The following ZBTB7C variants were observed in gnomAD, a reference collection of about 807,000 sequenced individuals.
The protein encoded by ZBTB7C is zinc finger and BTB domain-containing protein 7C.
In ZBTB7C, 8 loss-of-function variants were observed where a neutral mutation model predicts 25.7. The observed-to-expected ratio is 0.31, with a 90% CI of 0.18 to 0.56. The LOEUF (loss-of-function observed/expected upper bound fraction) is 0.56. Ranked by LOEUF, ZBTB7C falls within the 20% of genes least tolerant of loss-of-function variation. The pLI is 0.91. For missense variants in ZBTB7C, 824 were observed against 855.2 expected (o/e 0.96, Z 0.46); for synonymous variants, 394 against 369.0 (o/e 1.07, Z -0.78).
chr18:48,348,813 T>C (rs1182866315), intron 1 of ZBTB7C, among the ~76,000 whole-genome samples: 1 of 152,204 alleles, frequency 6.6e-6, no homozygotes, highest in East Asian at 1.9e-4. Flanking sequence ...CTAGACTTTG[T>C]ATCAAAAACA....
intron 2 of ZBTB7C, among the ~76,000 whole-genome samples, chr18:48,224,227 C>T (rs1227995439): frequency 1.3e-5 from 2 of 152,192 alleles, no homozygotes; most frequent in Non-Finnish European, 2.9e-5. Flanking sequence ...ATACCAATAA[C>T]CTATGCATCC....
chr18:48,233,939 A>G lies in ZBTB7C; in HGVS notation c.-78-47944T>C, dbSNP rs78351468. ...CCTCTCCTTTGAGGGTGGTTGGGTC[A>G]GTTCCATCCACATCAGTCAGTCATT... is the stretch of plus-strand genomic sequence containing the variant. On this transcript the variant is annotated intron_variant, in intron 2 of 4. Coordinates refer to ENST00000590800, the MANE Select transcript of ZBTB7C (RefSeq NM_001318841.2). 2.5e-3 allele frequency among the ~76,000 whole-genome samples: 386 copies of G among 152,278 alleles called. 5 individuals carry two copies. Among genetic ancestry groups the G allele is most frequent in the East Asian group, 0.022 (113 of 5,186 alleles).
intron 2 of ZBTB7C, among the ~76,000 whole-genome samples, chr18:48,273,661 C>T (rs946667535): frequency 4.6e-5 from 7 of 151,698 alleles, no homozygotes; most frequent in East Asian, 1.9e-4. Context: ...AGGAAAGGAT[C>T]AGAATAAAAT....
chr18:48,254,675 C>T (rs1161497493), intron 2 of ZBTB7C, among the ~76,000 whole-genome samples: 1 of 152,326 alleles, frequency 6.6e-6, no homozygotes, highest in East Asian at 1.9e-4. Flanking sequence ...ACAGCTTCCA[C>T]TTTACCCTGC....
chr18:48,300,680 A>C (rs2144738279), intron 2 of ZBTB7C, among the ~76,000 whole-genome samples: 1 of 152,382 alleles, frequency 6.6e-6, no homozygotes, highest in South Asian at 2.1e-4. Context: ...GAAGAAAGGC[A>C]GAAGAGGACA....
chr18:48,205,029 T>C (rs2042546503), intron 2 of ZBTB7C, among the ~76,000 whole-genome samples: 2 of 152,070 alleles, frequency 1.3e-5, no homozygotes, highest in South Asian at 2.1e-4. Flanking sequence ...AGGGGGGTTA[T>C]ATCTGCCTAG....
chr18:48,068,573 G>A (rs766392756), intron 3 of ZBTB7C, among the ~76,000 whole-genome samples: 9 of 152,064 alleles, frequency 5.9e-5, no homozygotes, highest in East Asian at 1.9e-4. Context: ...TCTGGAAATG[G>A]AGCCTGGGCA....
chr18:48,316,431 G>A (rs746735740), intron 2 of ZBTB7C, among the ~76,000 whole-genome samples: 18 of 152,230 alleles, frequency 1.2e-4, no homozygotes, highest in Non-Finnish European at 2.4e-4. Context: ...CAGCATGGGG[G>A]TGATATCATT....
intron 2 of ZBTB7C, among the ~76,000 whole-genome samples, chr18:48,219,189 C>T (rs1172492092): frequency 1.3e-5 from 2 of 152,136 alleles, no homozygotes; most frequent in African/African-American, 2.4e-5. Flanking sequence ...GAGCCACCTG[C>T]CCATGGCAGC....
rs555050545 is a variant in ZBTB7C at position 48,165,329 on chromosome 18, G to A, written c.-17+20605C>T. The A allele has an allele frequency of 6.6e-5, 28 of 425,952 alleles. 1 individual carries two copies. The highest frequency in any genetic ancestry group is 3.6e-4 in the Middle Eastern group (1 of 2,804). 26.4% of individuals were successfully genotyped at this position (425,952 alleles called of 1,614,324 possible). On this transcript the variant is annotated intron_variant, in intron 3 of 4. Transcript: ENST00000590800. ...CTAAGACAACACTCCGACGTAGCCCGTCCTTCAGAGACAATGAGTGTCCAG... is the reference window on the plus strand; with the variant it reads ...CTAAGACAACACTCCGACGTAGCCCATCCTTCAGAGACAATGAGTGTCCAG...
intron 2 of ZBTB7C, among the ~76,000 whole-genome samples, chr18:48,281,764 C>T (rs2044859279): frequency 6.6e-6 from 1 of 151,130 alleles, no homozygotes; most frequent in Non-Finnish European, 1.5e-5. Context: ...CAAGGAGATA[C>T]CATCTCACAC....
intron 1 of ZBTB7C, among the ~76,000 whole-genome samples, chr18:48,349,505 C>T (rs759569371): frequency 2.6e-5 from 4 of 152,066 alleles, no homozygotes; most frequent in East Asian, 3.9e-4. Context: ...CATAAGGGGG[C>T]GTGTGGTCTT....
At chr18:48,092,218 C>A (rs2038445413) in intron 3 of ZBTB7C, among the ~76,000 whole-genome samples, 1 of 152,226 alleles carries the variant, frequency 6.6e-6, no homozygotes, top group South Asian at 2.1e-4. Flanking sequence ...TTAGTCAACA[C>A]TTCCCATCCC....
intron 2 of ZBTB7C, among the ~76,000 whole-genome samples, chr18:48,208,601 A>C (rs970665948): frequency 6.6e-6 from 1 of 152,062 alleles, no homozygotes; most frequent in Middle Eastern, 3.2e-3. Flanking sequence ...AGGCTCCTTA[A>C]GATTTCCACC....
chr18:48,112,910 A>G (rs2039298238), intron 3 of ZBTB7C, among the ~76,000 whole-genome samples: 2 of 152,214 alleles, frequency 1.3e-5, no homozygotes, highest in African/African-American at 2.4e-5. Flanking sequence ...TTTAAATTCA[A>G]TAACTGTGTG....
At chr18:48,304,215 G>C (rs1241098819) in intron 2 of ZBTB7C, among the ~76,000 whole-genome samples, 1 of 152,196 alleles carries the variant, frequency 6.6e-6, no homozygotes, top group Non-Finnish European at 1.5e-5. Context: ...TTTATGAGGG[G>C]TACCTTGCAC....
rs35328343 is a variant in ZBTB7C at position 48,237,658 on chromosome 18, C to CAA, written c.-78-51665_-78-51664dup. ...AGCATAGTTTGATATGACCACTTTG[C>CAA]AAAAAAAAAAAGCAGTTTCATGTTA... On this transcript the variant is annotated intron_variant, in intron 2 of 4. Transcript: ENST00000590800. 4.4e-3 allele frequency among the ~76,000 whole-genome samples: 601 copies of CAA among 137,710 alleles called. 2 individuals are homozygous for CAA. Among genetic ancestry groups the CAA allele is most frequent in the African/African-American group, 0.015 (558 of 38,046 alleles). 90.3% of individuals were successfully genotyped at this position (137,710 alleles called of 152,430 possible).
intron 2 of ZBTB7C, among the ~76,000 whole-genome samples, chr18:48,280,083 A>G (rs927910065): frequency 6.6e-6 from 1 of 152,198 alleles, no homozygotes. Context: ...TCTTGCCCCA[A>G]GGAACTCACC....
intron 1 of ZBTB7C, among the ~76,000 whole-genome samples, chr18:48,385,130 C>T (rs577232348): frequency 5.0e-4 from 76 of 152,280 alleles, no homozygotes; most frequent in African/African-American, 1.6e-3. Context: ...GTTGACATAC[C>T]CAAATGCACC....
Sources: gnomAD v4.1 joint callset for allele counts (sites outside exome capture counted in the v4.1 genomes callset) on GRCh38, gnomAD v4.1.1 for gene constraint, MANE v1.5 for transcripts, NCBI Gene and HGNC (gene_info 2026-07-23, HGNC 2026-07-21) for gene names.